Variants in IGF1R observed in about 807,000 individuals in gnomAD.
The protein encoded by IGF1R is insulin-like growth factor 1 receptor.
Under a neutral mutation model 144.6 loss-of-function variants are expected in IGF1R, and 44 were observed. The observed-to-expected ratio is 0.30, with a 90% CI of 0.24 to 0.39. The LOEUF (loss-of-function observed/expected upper bound fraction) is 0.39, where lower values mean the gene tolerates loss of function less well. IGF1R is among the 10% of genes least tolerant of loss of function. The pLI is 1.00. For synonymous variants in IGF1R, 795 were observed against 722.8 expected (o/e 1.10, Z -1.60); for missense variants, 1,355 against 1,833.7 (o/e 0.74, Z 4.77).
intron 1 of IGF1R, among the ~76,000 whole-genome samples, chr15:98,703,075 C>T (rs2053776169): frequency 6.6e-6 from 1 of 152,172 alleles, no homozygotes; most frequent in Admixed American, 6.5e-5. Context: ...TGTTGCCATT[C>T]TCTGGCTTTG....
At position 98,957,362 on chromosome 15, in the gene IGF1R, G is replaced by T; in HGVS notation, c.4024G>T (p.Glu1342Ter). The T allele has an allele frequency of 1.2e-6, 2 of 1,612,428 alleles. No individual in the cohort carries two copies. Among genetic ancestry groups the T allele is most frequent in the Non-Finnish European group, 1.7e-6 (2 of 1,179,038 alleles). The change falls in exon 21 of 21, where the codon GAG (glutamate) becomes TAG (stop). Residue 1342 changes from glutamate to a stop codon, truncating the protein, a stop_gained. Coordinates refer to ENST00000650285, the MANE Select transcript of IGF1R (RefSeq NM_000875.5). LOFTEE classifies it high-confidence loss of function. ...GVLVLRASFD[E>*]RQPYAHMNGG... is the part of the protein sequence containing the mutation. ...GCTGGTCCTCCGCGCCAGCTTCGAC[G>T]AGAGACAGCCTTACGCCCACATGAA... is the stretch of plus-strand genomic sequence containing the variant.
At chr15:98,762,529 A>G (rs1265085754) in intron 2 of IGF1R, among the ~76,000 whole-genome samples, 2 of 152,212 alleles carry the variant, frequency 1.3e-5, no homozygotes, top group African/African-American at 4.8e-5. Context: ...GGAGTTTCAG[A>G]CCAGCCTGGC....
At chr15:98,864,490 G>A (rs903775386) in intron 2 of IGF1R, among the ~76,000 whole-genome samples, 4 of 152,196 alleles carry the variant, frequency 2.6e-5, no homozygotes, top group African/African-American at 9.7e-5. Context: ...CCAGGTTTAA[G>A]TTAATGCTCC....
At chr15:98,881,131 T>G (rs542227442) in intron 2 of IGF1R, among the ~76,000 whole-genome samples, 131 of 152,342 alleles carry the variant, frequency 8.6e-4, no homozygotes, top group Non-Finnish European at 1.4e-3. Context: ...TAGCATCACC[T>G]GGATGCCTGA....
At chr15:98,929,018 TC>T (rs1454919913) in intron 13 of IGF1R, among the ~76,000 whole-genome samples, 2 of 152,158 alleles carry the variant, frequency 1.3e-5, no homozygotes, top group African/African-American at 2.4e-5. Flanking sequence ...TGTAAGAATT[TC>T]TATTCATTTT....
intron 1 of IGF1R, among the ~76,000 whole-genome samples, chr15:98,702,033 G>GTTT (rs35793845): frequency 0.017 from 1,879 of 108,484 alleles, 85 homozygotes; most frequent in African/African-American, 0.036. Flanking sequence ...GAGTCACGCT[G>GTTT]TTTTTTTTTT....
intron 2 of IGF1R, among the ~76,000 whole-genome samples, chr15:98,858,259 C>T (rs2011945750): frequency 6.6e-6 from 1 of 152,126 alleles, no homozygotes; most frequent in Non-Finnish European, 1.5e-5. Context: ...ATTTTTATTT[C>T]TTGTTTTGGT....
At chr15:98,910,078 G>A (rs1278927394) in intron 6 of IGF1R, among the ~76,000 whole-genome samples, 6 of 152,212 alleles carry the variant, frequency 3.9e-5, no homozygotes, top group Admixed American at 3.9e-4. Context: ...GTTTGGCTTT[G>A]GCTTGTTTCG....
At chr15:98,803,334 A>T (rs1409766542) in intron 2 of IGF1R, among the ~76,000 whole-genome samples, 1 of 152,082 alleles carries the variant, frequency 6.6e-6, no homozygotes, top group Non-Finnish European at 1.5e-5. Flanking sequence ...AGTAAAAAAT[A>T]TAGTGTAAAA....
At chr15:98,725,817 T>C (rs894268916) in intron 2 of IGF1R, among the ~76,000 whole-genome samples, 1 of 152,216 alleles carries the variant, frequency 6.6e-6, no homozygotes, top group African/African-American at 2.4e-5. Context: ...AGGTACTTCT[T>C]ACATGGTGGC....
chr15:98,752,242 T>C (rs541881882), intron 2 of IGF1R, among the ~76,000 whole-genome samples: 1 of 152,318 alleles, frequency 6.6e-6, no homozygotes, highest in East Asian at 1.9e-4. Context: ...TATGACTGTT[T>C]TCTGAGCCCA....
chr15:98,844,639 T>C (rs918570451), intron 2 of IGF1R, among the ~76,000 whole-genome samples: 6 of 152,024 alleles, frequency 3.9e-5, no homozygotes, highest in African/African-American at 1.5e-4. Flanking sequence ...TGTGTGTGTG[T>C]ATTTAGAGAG....
rs548839686 is a variant in IGF1R, at chr15:98,737,729, GGAGCCTGCT to G, written c.640+29626_640+29634del. ...TTTTCATCATGTATTTGTAATAGCT[GGAGCCTGCT>G]GAGATGATGAGGTAGAGTGGAGGGA... On this transcript the variant is annotated intron_variant, in intron 2 of 20. Coordinates refer to ENST00000650285, the MANE Select transcript of IGF1R (RefSeq NM_000875.5). 6.6e-4 allele frequency among the ~76,000 whole-genome samples: 100 copies of G among 152,288 alleles called. 2 individuals carry two copies. Among genetic ancestry groups the G allele is most frequent in the African/African-American group, 2.2e-3 (91 of 41,548 alleles).
intron 6 of IGF1R, among the ~76,000 whole-genome samples, chr15:98,909,278 T>TTC (rs1231221479): frequency 1.4e-5 from 2 of 145,586 alleles, no homozygotes; most frequent in African/African-American, 5.1e-5. Flanking sequence ...TTTTTTTTTT[T>TTC]TGAGATGGAG....
chr15:98,712,057 G>GA (rs1308572156), intron 2 of IGF1R, among the ~76,000 whole-genome samples: 4 of 152,154 alleles, frequency 2.6e-5, no homozygotes, highest in African/African-American at 9.7e-5. Flanking sequence ...TCATACTGGG[G>GA]ATTAGGTTTC....
At chr15:98,814,559 G>C (rs575810625) in intron 2 of IGF1R, among the ~76,000 whole-genome samples, 2 of 152,248 alleles carry the variant, frequency 1.3e-5, no homozygotes, top group African/African-American at 4.8e-5. Flanking sequence ...TGTTGCCGGG[G>C]TTAGTCTCAG....
intron 1 of IGF1R, among the ~76,000 whole-genome samples, chr15:98,701,630 C>T (rs955737345): frequency 6.6e-6 from 1 of 152,140 alleles, no homozygotes; most frequent in Non-Finnish European, 1.5e-5. Context: ...TGAGCCGCCG[C>T]ACCCGGCCAA....
At chr15:98,850,107 A>G (rs993014402) in intron 2 of IGF1R, among the ~76,000 whole-genome samples, 1 of 152,230 alleles carries the variant, frequency 6.6e-6, no homozygotes, top group Non-Finnish European at 1.5e-5. Flanking sequence ...TCAAATGGCA[A>G]AAGATGAAAA....
chr15:98,810,594 G>C (rs62023602), intron 2 of IGF1R, among the ~76,000 whole-genome samples: 12 of 150,666 alleles, frequency 8.0e-5, no homozygotes, highest in African/African-American at 2.9e-4. Context: ...TGTAGCCCAG[G>C]CTGGAGTGCG....
Sources: gnomAD v4.1 joint callset for allele counts (sites outside exome capture counted in the v4.1 genomes callset) on GRCh38, gnomAD v4.1.1 for gene constraint, MANE v1.5 for transcripts, NCBI Gene and HGNC (gene_info 2026-07-23, HGNC 2026-07-21) for gene names.